UBE3A: variants seen among roughly 807,000 people sequenced by gnomAD.
UBE3A encodes ubiquitin-protein ligase E3A.
A neutral mutation model predicts 83.4 loss-of-function variants in UBE3A; 6 were observed. That is an observed-to-expected ratio of 0.07 (90% CI 0.04 to 0.14). The LOEUF (loss-of-function observed/expected upper bound fraction) is 0.14, where lower values mean the gene tolerates loss of function less well. Ranked by LOEUF, UBE3A falls within the 10% of genes least tolerant of loss-of-function variation. The pLI is 1.00. For synonymous variants in UBE3A, 337 were observed against 355.4 expected, an observed-to-expected ratio of 0.95 and a Z score of 0.58; for missense variants, 456 against 1,036.1, an observed-to-expected ratio of 0.44 and a Z score of 7.69.
At position 25,340,247 on chromosome 15, in the gene UBE3A, A is replaced by G; in HGVS notation, c.2355-19T>C. On this transcript the variant is annotated intron_variant, in intron 11 of 12. Transcript: ENST00000648336. ...GAACTCCCTAATGAGAAAAAATACAATACTGGTTTCAGTTTGGCATTCATT... is the reference window on the plus strand; with the variant it reads ...GAACTCCCTAATGAGAAAAAATACAGTACTGGTTTCAGTTTGGCATTCATT... The G allele has an allele frequency of 6.2e-7, 1 of 1,610,320 alleles. No individual in the cohort carries two copies. The highest frequency in any genetic ancestry group is 8.5e-7 in the Non-Finnish European group (1 of 1,179,696).
chr15:25,380,958 C>A (rs969430458), intron 4 of UBE3A, among the ~76,000 whole-genome samples: 1 of 152,172 alleles, frequency 6.6e-6, no homozygotes, highest in Non-Finnish European at 1.5e-5. Flanking sequence ...GTGCTACAAA[C>A]AGAAGTCCTA....
chr15:25,372,925 A>G (rs189972013), intron 5 of UBE3A, among the ~76,000 whole-genome samples: 2 of 152,186 alleles, frequency 1.3e-5, no homozygotes, highest in African/African-American at 4.8e-5. Context: ...ATGAAAGACA[A>G]TATAAAATGT....
Position 25,356,915 on chromosome 15 carries a change from A to T in UBE3A, c.1754-19T>A. On this transcript the variant is annotated intron_variant, in intron 7 of 12. Coordinates refer to ENST00000648336, the MANE Select transcript of UBE3A (RefSeq NM_130839.5). Reference sequence around the variant, plus strand: ...AACATACCTATAAGAAATGATTTTTAAAAATACATTACTTTTGTATTTTAT... The same window carrying T: ...AACATACCTATAAGAAATGATTTTTTAAAATACATTACTTTTGTATTTTAT... 1.3e-6 allele frequency: 2 copies of T among 1,589,040 alleles called. No individual in the cohort carries two copies. The highest frequency in any genetic ancestry group is 1.7e-6 in the Non-Finnish European group (2 of 1,158,352).
chr15:25,337,319 A>C lies in UBE3A; in HGVS notation c.*1818T>G, dbSNP rs767613976. 6 of 152,178 alleles carry C rather than the reference A, an allele frequency of 3.9e-5. No individual in the cohort carries two copies. Among genetic ancestry groups the C allele is most frequent in the Non-Finnish European group, 8.8e-5 (6 of 68,018 alleles). The allele number at this position is 152,178 out of a possible 1,614,324, so 9.4% of individuals were successfully genotyped here. On this transcript the variant is annotated 3_prime_UTR_variant, in exon 13 of 13. Transcript: ENST00000648336. The stretch of plus-strand genomic sequence containing the variant: ...CTCCTCACTTTAATTACACATTAAG[A>C]AGCACAGTGGATGAGAAGCCTTTAA...
rs1596287585 is a variant in UBE3A, at chr15:25,408,750, A to G, written c.20+338T>C. 3.0e-6 allele frequency: 4 copies of G among 1,322,468 alleles called. No homozygotes were observed. The East Asian group carries it at 7.1e-5, about 23-fold the overall frequency. The allele number at this position is 1,322,468 out of a possible 1,614,324, so 81.9% of individuals were successfully genotyped here. Reference sequence around the variant, plus strand: ...AACTTCTAGAGAAATGTTTAGTTAAAACGTTCACCACATAAAAGGCATACT... The same window carrying G: ...AACTTCTAGAGAAATGTTTAGTTAAGACGTTCACCACATAAAAGGCATACT... On this transcript the variant is annotated intron_variant, in intron 3 of 12. Coordinates refer to ENST00000648336, the MANE Select transcript of UBE3A (RefSeq NM_130839.5).
intron 6 of UBE3A, among the ~76,000 whole-genome samples, chr15:25,367,261 AT>A (rs1264197241): frequency 1.2e-5 from 1 of 83,762 alleles, no homozygotes; most frequent in African/African-American, 5.4e-5. Flanking sequence ...ATATTTGTAA[AT>A]ATGTAAATAT....
chr15:25,401,750 T>C (rs1477396813), intron 4 of UBE3A, among the ~76,000 whole-genome samples: 1 of 152,140 alleles, frequency 6.6e-6, no homozygotes, highest in South Asian at 2.1e-4. Flanking sequence ...ATTTTTTTTA[T>C]CTTGAGTCAT....
intron 1 of UBE3A, among the ~76,000 whole-genome samples, chr15:25,426,880 G>A (rs1319141631): frequency 6.6e-6 from 1 of 151,718 alleles, no homozygotes; most frequent in Non-Finnish European, 1.5e-5. Flanking sequence ...GTGCAGTGGT[G>A]TGATAACAAC....
chr15:25,424,388 T>G (rs558112586), intron 1 of UBE3A, among the ~76,000 whole-genome samples: 1 of 152,312 alleles, frequency 6.6e-6, no homozygotes, highest in African/African-American at 2.4e-5. Flanking sequence ...ACCTACCCTA[T>G]CTAAAATTTC....
chr15:25,416,474 G>A (rs2090943042), intron 1 of UBE3A, among the ~76,000 whole-genome samples: 1 of 152,090 alleles, frequency 6.6e-6, no homozygotes, highest in Non-Finnish European at 1.5e-5. Context: ...TATGCTATGA[G>A]AAGTCAGGAC....
chr15:25,340,035 G>A (rs1183283798), intron 12 of UBE3A, 50 bp downstream of exon 12: 1 of 1,611,104 alleles, frequency 6.2e-7, no homozygotes, highest in East Asian at 2.2e-5. Context: ...ATGTGACGAG[G>A]AATGCAAGGT....
chr15:25,385,766 G>A (rs974636179), intron 4 of UBE3A, among the ~76,000 whole-genome samples: 8 of 151,964 alleles, frequency 5.3e-5, no homozygotes, highest in Non-Finnish European at 1.0e-4. Flanking sequence ...AAACCTCCAC[G>A]GGGTAGGAAA....
intron 1 of UBE3A, among the ~76,000 whole-genome samples, chr15:25,424,433 T>C (rs1028473694): frequency 2.6e-5 from 4 of 152,204 alleles, no homozygotes; most frequent in African/African-American, 9.6e-5. Flanking sequence ...ACTTCCCTTA[T>C]TTGTTTCTTC....
intron 1 of UBE3A, among the ~76,000 whole-genome samples, chr15:25,414,151 A>G (rs965943913): frequency 2.0e-5 from 3 of 152,158 alleles, no homozygotes; most frequent in South Asian, 2.1e-4. Context: ...AACGTATCTA[A>G]TATCAAACTC....
At chr15:25,375,371 T>A in intron 5 of UBE3A, 94 bp downstream of exon 5, 1 of 1,438,682 alleles carries the variant, frequency 7.0e-7, no homozygotes, top group Non-Finnish European at 9.4e-7. Flanking sequence ...AATGTCTTTA[T>A]GTCACAGAAG....
intron 3 of UBE3A, chr15:25,408,761 C>A (rs2089301348): frequency 1.4e-5 from 16 of 1,150,754 alleles, no homozygotes; most frequent in Admixed American, 7.3e-5. Context: ...ACGTTCACCA[C>A]ATAAAAGGCA....
intron 2 of UBE3A, among the ~76,000 whole-genome samples, chr15:25,410,461 C>T (rs1405124208): frequency 1.3e-5 from 2 of 152,170 alleles, no homozygotes; most frequent in Non-Finnish European, 2.9e-5. Context: ...ATTCCCCTAT[C>T]CAGGCCAAAT....
intron 4 of UBE3A, among the ~76,000 whole-genome samples, chr15:25,378,734 G>A (rs953517052): frequency 1.2e-4 from 19 of 152,050 alleles, no homozygotes; most frequent in Non-Finnish European, 2.2e-4. Flanking sequence ...TTTTTAACAT[G>A]AGTAATACTG....
intron 4 of UBE3A, among the ~76,000 whole-genome samples, chr15:25,378,134 T>A (rs1481225290): frequency 2.6e-5 from 4 of 152,134 alleles, no homozygotes; most frequent in African/African-American, 9.7e-5. Context: ...TTTACTAAAT[T>A]GTCTCTGATT....
Sources: allele counts gnomAD v4.1 joint callset (sites outside exome capture counted in the v4.1 genomes callset), GRCh38; gene constraint gnomAD v4.1.1; transcripts MANE v1.5; gene names NCBI Gene and HGNC (gene_info 2026-07-23, HGNC 2026-07-21).